Variants in PAK3 observed in about 807,000 individuals in gnomAD.
PAK3 encodes p21 (RAC1) activated kinase 3, also known as serine/threonine-protein kinase PAK 3.
Under a neutral mutation model 41.0 loss-of-function variants are expected in PAK3, and 4 were observed. The observed-to-expected ratio is 0.10, with a 90% CI of 0.05 to 0.22. The LOEUF (loss-of-function observed/expected upper bound fraction) is 0.22. Ranked by LOEUF, PAK3 falls within the 10% of genes least tolerant of loss-of-function variation. The pLI is 1.00. For synonymous variants in PAK3, 146 were observed against 139.6 expected, an observed-to-expected ratio of 1.05 and a Z score of -0.32; for missense variants, 205 against 409.9, an observed-to-expected ratio of 0.50 and a Z score of 4.32.
intron 1 of PAK3, among the ~76,000 whole-genome samples, chrX:110,986,594 A>G (rs2091548817): frequency 8.9e-6 from 1 of 111,791 alleles, no homozygotes; most frequent in African/African-American, 3.3e-5. Context: ...TGAATCACAA[A>G]TTCATGGGCT....
chrX:111,103,881 C>A (rs1371118320), intron 4 of PAK3, among the ~76,000 whole-genome samples: 2 of 111,895 alleles, frequency 1.8e-5, no homozygotes, highest in Non-Finnish European at 3.8e-5. Flanking sequence ...TCTCCAACAG[C>A]ACTTGAGTCT....
chrX:110,966,902 C>T (rs189562943), intron 1 of PAK3, among the ~76,000 whole-genome samples: 124 of 112,086 alleles, frequency 1.1e-3, no homozygotes, highest in African/African-American at 3.9e-3. Context: ...TAGGATATGT[C>T]GGTACTGCCT....
At chrX:111,097,276 G>A (rs1250512033) in intron 1 of PAK3, 114 bp from the exon 2 acceptor site, 2 of 101,882 alleles carry the variant, frequency 2.0e-5, no homozygotes, top group African/African-American at 7.3e-5. Context: ...CCTTCCCTAG[G>A]TGGTGGTTAA....
intron 4 of PAK3, among the ~76,000 whole-genome samples, chrX:111,119,502 G>T (rs1427291068): frequency 9.0e-6 from 1 of 111,525 alleles, no homozygotes; most frequent in East Asian, 2.8e-4. Context: ...AAGATAAACA[G>T]TTTTTTTTAT....
At chrX:110,950,447 T>C (rs2148590603) in intron 1 of PAK3, among the ~76,000 whole-genome samples, 1 of 111,743 alleles carries the variant, frequency 8.9e-6, no homozygotes, top group African/African-American at 3.2e-5. Context: ...CTGGGATACA[T>C]GTGCAGAATG....
At chrX:111,117,622 G>A (rs999563364) in intron 4 of PAK3, among the ~76,000 whole-genome samples, 11 of 111,638 alleles carry the variant, frequency 9.9e-5, no homozygotes, top group African/African-American at 3.3e-4. Flanking sequence ...ATGCTTTCTT[G>A]TCTCTGACCT....
rs1418052164 is a variant in PAK3, at chrX:111,148,946, C to G, written c.430+1056C>G. ...AGCAGTAACTCAAAAGTCCACAGTC[C>G]AAAGTCTCATCTTAGACAAAGCAAG... On this transcript the variant is annotated intron_variant, in intron 7 of 17. Coordinates refer to ENST00000372007, the MANE Select transcript of PAK3 (RefSeq NM_002578.5). Among the ~76,000 whole-genome samples, 8 of 111,231 alleles carry G rather than the reference C, an allele frequency of 7.2e-5. No individual in the cohort carries two copies. In the East Asian group the frequency reaches 2.3e-3, roughly 31 times the overall value.
chrX:111,092,280 C>T (rs750278813), upstream of PAK3, among the ~76,000 whole-genome samples: 3 of 111,999 alleles, frequency 2.7e-5, no homozygotes, highest in African/African-American at 9.7e-5. Flanking sequence ...ACAAACAAGA[C>T]AGTAGTATAT....
chrX:111,130,102 A>G (rs1341184365), intron 5 of PAK3, among the ~76,000 whole-genome samples: 2 of 112,032 alleles, frequency 1.8e-5, no homozygotes, highest in South Asian at 3.7e-4. Flanking sequence ...TGGAACCAGT[A>G]TGTGTTGCCT....
intron 1 of PAK3, among the ~76,000 whole-genome samples, chrX:110,994,553 C>A (rs754199723): frequency 9.0e-6 from 1 of 111,631 alleles, no homozygotes; most frequent in South Asian, 3.8e-4. Flanking sequence ...CCTGACCAAG[C>A]AGGACACTTG....
chrX:111,192,055 C>A, intron 11 of PAK3, 72 bp from the exon 12 acceptor site: 1 of 642,229 alleles, frequency 1.6e-6, no homozygotes, highest in Non-Finnish European at 2.6e-6. Flanking sequence ...AAAATAATTA[C>A]ATTTTATTTC....
chrX:111,084,194 A>G (rs769019941), intron 1 of PAK3, among the ~76,000 whole-genome samples: 18 of 112,296 alleles, frequency 1.6e-4, no homozygotes, highest in Admixed American at 1.6e-3. Context: ...AGGGGGCCAT[A>G]CAATGTTTGT....
intron 7 of PAK3, among the ~76,000 whole-genome samples, chrX:111,149,570 C>T (rs7876962): frequency 0.16 from 17,370 of 111,825 alleles, 2,799 homozygotes; most frequent in African/African-American, 0.49. Context: ...TCTTGACTTC[C>T]GTGCACATGC....
At chrX:111,043,423 A>C (rs149367829) in intron 1 of PAK3, among the ~76,000 whole-genome samples, 2,527 of 112,117 alleles carry the variant, frequency 0.023, 33 homozygotes, top group Middle Eastern at 0.041. Flanking sequence ...CACAGTAAGC[A>C]TCATTTTATA....
At chrX:111,130,671 G>C (rs1482589737) in intron 5 of PAK3, among the ~76,000 whole-genome samples, 1 of 111,942 alleles carries the variant, frequency 8.9e-6, no homozygotes, top group East Asian at 2.8e-4. Context: ...GAATGTTTAA[G>C]ATGGCCCAGT....
At position 111,216,289 on chromosome X, in the gene PAK3, A is replaced by G; in HGVS notation, c.1408-132A>G. On this transcript the variant is annotated intron_variant, in intron 16 of 17. Transcript: ENST00000372007. ...AAATGTTATAGAAACTTTGAAATAT[A>G]TGTGTCATTCTCTAAAGTGGAATTA... The G allele has an allele frequency of 9.8e-6, 5 of 507,918 alleles. No individual in the cohort carries two copies. In the South Asian group the frequency reaches 1.4e-4, roughly 14 times the overall value. The allele number at this position is 507,918 out of a possible 1,213,427, so 41.9% of individuals were successfully genotyped here.
intron 1 of PAK3, among the ~76,000 whole-genome samples, chrX:111,019,732 G>A (rs1214739891): frequency 1.1e-5 from 1 of 92,724 alleles, no homozygotes; most frequent in African/African-American, 4.0e-5. Flanking sequence ...AGGGGGGGGG[G>A]CAAATGATTT....
intron 1 of PAK3, among the ~76,000 whole-genome samples, chrX:111,001,490 G>T (rs1252955336): frequency 2.7e-5 from 3 of 112,278 alleles, no homozygotes; most frequent in African/African-American, 9.7e-5. Flanking sequence ...TCCTGATTTT[G>T]TGCTGTGTAA....
At chrX:110,964,218 A>G (rs2091037115) in intron 1 of PAK3, among the ~76,000 whole-genome samples, 1 of 112,115 alleles carries the variant, frequency 8.9e-6, no homozygotes, top group African/African-American at 3.2e-5. Context: ...CAATCGATGA[A>G]GCTAAGGTTT....
Sources: allele counts gnomAD v4.1 joint callset (sites outside exome capture counted in the v4.1 genomes callset), GRCh38; gene constraint gnomAD v4.1.1; transcripts MANE v1.5; gene names NCBI Gene and HGNC (gene_info 2026-07-23, HGNC 2026-07-21).